The following ATM variants were observed in gnomAD, a reference collection of about 807,000 sequenced individuals.
ATM encodes the protein ATM serine/threonine kinase, also known as serine-protein kinase ATM.
A neutral mutation model predicts 387.0 loss-of-function variants in ATM; 308 were observed. That is an observed-to-expected ratio of 0.80 (90% confidence interval 0.73 to 0.87). ATM has a LOEUF of 0.87. Among genes scored for constraint, ATM ranks in the 40% least tolerant of loss-of-function variants. ATM has a pLI of 0.00. For missense variants in ATM, 3,312 were observed against 3,560.9 expected, an observed-to-expected ratio of 0.93 and a Z score of 1.78; for synonymous variants, 1,156 against 1,187.3, an observed-to-expected ratio of 0.97 and a Z score of 0.54.
intron 7 of ATM, among the ~76,000 whole-genome samples, chr11:108,245,973 T>C (rs679782): frequency 0.66 from 100,645 of 151,642 alleles, 34,425 homozygotes; most frequent in African/African-American, 0.83. Flanking sequence ...TACAGATGCC[T>C]GGCACCATGC....
rs1137887 is a variant in ATM, at chr11:108,256,340, G to A, written c.2250G>A (p.Lys750=). ...AYKSELFQKA[K]SLMQCAGESI... Reference sequence around the variant, plus strand: ...AGTCAGAATTATTCCAGAAAGCCAAGGTAGGAGAATTTATACTAATAAAGT... The same window carrying A: ...AGTCAGAATTATTCCAGAAAGCCAAAGTAGGAGAATTTATACTAATAAAGT... The change falls in exon 14 of 63, where the codon AAG becomes AAA. Residue 750 remains lysine, a splice_region_variant and synonymous_variant. Transcript: ENST00000675843. The A allele has an allele frequency of 4.2e-5, 68 of 1,608,736 alleles. No individual in the cohort carries two copies. The highest frequency in any genetic ancestry group is 3.3e-4 in the Middle Eastern group (2 of 6,052).
rs1060501694 is a variant in ATM, at chr11:108,251,890, C to T, written c.1661C>T (p.Thr554Met). Residue 554 changes from threonine (T) to methionine (M), a missense_variant, in exon 11 of 63, where the codon ACG (threonine) becomes ATG (methionine). Physicochemically the swap from Thr to Met is moderately conservative, Grantham distance 81. Transcript: ENST00000675843. Reference sequence around the variant, plus strand: ...CTGACCACCAGTATAGTTCCAGGAACGGTAAAAATGGGAATAGAGCAAAAT... The same window carrying T: ...CTGACCACCAGTATAGTTCCAGGAATGGTAAAAATGGGAATAGAGCAAAAT... ...LALTTSIVPG[T>M]VKMGIEQNMC... 1.7e-5 allele frequency: 28 copies of T among 1,613,582 alleles called. No homozygotes were observed. The highest frequency in any genetic ancestry group is 2.1e-5 in the Non-Finnish European group (25 of 1,179,810).
At chr11:108,316,397 T>C (rs2084653800) in intron 42 of ATM, among the ~76,000 whole-genome samples, 1 of 152,072 alleles carries the variant, frequency 6.6e-6, no homozygotes, top group Admixed American at 6.5e-5. Context: ...ACAGAAGACA[T>C]TGCTCGAGCA....
In ATM at chr11:108,287,593, C is replaced by G; in HGVS notation, c.3994-7C>G. The G allele has an allele frequency of 6.4e-7, 1 of 1,572,122 alleles. No homozygotes were observed. Among genetic ancestry groups the G allele is most frequent in the Non-Finnish European group, 8.8e-7 (1 of 1,142,802 alleles). ...ATTAAATATATTTTAATTTTGTGCC[C>G]TTGCAGATTGATCACTTATTCATTA... On this transcript the variant is annotated splice_region_variant and splice_polypyrimidine_tract_variant and intron_variant, in intron 26 of 62. Coordinates refer to ENST00000675843, the MANE Select transcript of ATM (RefSeq NM_000051.4).
At chr11:108,263,987 C>A (rs2081066596) in intron 16 of ATM, among the ~76,000 whole-genome samples, 1 of 148,828 alleles carries the variant, frequency 6.7e-6, no homozygotes, top group Admixed American at 6.7e-5. Context: ...TGGCAATAAT[C>A]AATAGCTTAC....
At chr11:108,239,708 A>G (rs1484585428) in intron 5 of ATM, among the ~76,000 whole-genome samples, 1 of 152,148 alleles carries the variant, frequency 6.6e-6, no homozygotes, top group African/African-American at 2.4e-5. Context: ...TTTTTAAGGA[A>G]CCAACATCCT....
intron 37 of ATM, among the ~76,000 whole-genome samples, chr11:108,305,815 T>G (rs2083663148): frequency 6.6e-6 from 1 of 152,144 alleles, no homozygotes; most frequent in Non-Finnish European, 1.5e-5. Context: ...TATGGGTCAG[T>G]TTTTTAAACC....
At chr11:108,316,962 G>A (rs73008229) in intron 42 of ATM, among the ~76,000 whole-genome samples, 16,142 of 151,710 alleles carry the variant, frequency 0.11, 1,204 homozygotes, top group Non-Finnish European at 0.14. Context: ...GAGATAAGGT[G>A]TCACCCTGTT....
At chr11:108,333,393 C>G (rs543316513) in intron 53 of ATM, among the ~76,000 whole-genome samples, 24 of 152,160 alleles carry the variant, frequency 1.6e-4, no homozygotes, top group Non-Finnish European at 2.8e-4. Context: ...TGACTAGTCT[C>G]TAAGTATGCT....
At chr11:108,318,665 G>T (rs1214747709) in intron 43 of ATM, among the ~76,000 whole-genome samples, 1 of 151,952 alleles carries the variant, frequency 6.6e-6, no homozygotes, top group Non-Finnish European at 1.5e-5. Context: ...CCCCAGCCTG[G>T]GCGACAGAGT....
At chr11:108,284,623 T>G in intron 26 of ATM, 150 bp downstream of exon 26, 1 of 1,084,106 alleles carries the variant, frequency 9.2e-7, no homozygotes. Context: ...ACCCATGAAT[T>G]TTTTTGGTTA....
chr11:108,358,376 A>G (rs1229846816), intron 61 of ATM, among the ~76,000 whole-genome samples: 3 of 147,298 alleles, frequency 2.0e-5, no homozygotes, highest in Admixed American at 6.8e-5. Flanking sequence ...ACTCTGCAGG[A>G]TATTATCCAG....
chr11:108,250,184 ACT>A (rs1237285482), intron 9 of ATM, among the ~76,000 whole-genome samples: 1 of 151,016 alleles, frequency 6.6e-6, no homozygotes, highest in Non-Finnish European at 1.5e-5. Flanking sequence ...ACGGAGGCTC[ACT>A]CTGTCACCCA....
chr11:108,279,729 T>A (rs891874899), intron 23 of ATM, 121 bp downstream of exon 23: 1 of 801,330 alleles, frequency 1.2e-6, no homozygotes, highest in Non-Finnish European at 2.2e-6. Flanking sequence ...ATAAAGCTGC[T>A]CTAAAACAAC....
chr11:108,294,406 A>C (rs2083004205), intron 31 of ATM, among the ~76,000 whole-genome samples: 1 of 152,196 alleles, frequency 6.6e-6, no homozygotes, highest in Non-Finnish European at 1.5e-5. Context: ...ATGCTATAAC[A>C]ATCTTGAAGT....
Position 108,267,401 on chromosome 11 carries a change from T to A in ATM, c.2638+59T>A, listed in dbSNP as rs929220337. On this transcript the variant is annotated intron_variant, in intron 17 of 62. Coordinates refer to ENST00000675843, the MANE Select transcript of ATM (RefSeq NM_000051.4). ...ACTTCTTTATATTGATTTGGCAGTA[T>A]AAGAGGCCTCATTGATATCAATTTT... 2.7e-6 allele frequency: 4 copies of A among 1,491,172 alleles called. No homozygotes were observed. In the African/African-American group the frequency reaches 5.5e-5, roughly 21 times the overall value. 92.4% of individuals were successfully genotyped at this position (1,491,172 alleles called of 1,614,324 possible). A position where few individuals can be genotyped will look rare whatever the true frequency, so the allele number is the denominator to read the frequency against.
At chr11:108,339,524 T>G (rs2087253497) in intron 56 of ATM, among the ~76,000 whole-genome samples, 1 of 152,134 alleles carries the variant, frequency 6.6e-6, no homozygotes, top group Non-Finnish European at 1.5e-5. Flanking sequence ...TCAGTCCTTT[T>G]TTGTGGTATT....
chr11:108,351,785 C>T (rs766793302), intron 59 of ATM, among the ~76,000 whole-genome samples: 1 of 152,226 alleles, frequency 6.6e-6, no homozygotes, highest in Non-Finnish European at 1.5e-5. Flanking sequence ...TGGTTCTTCC[C>T]TGTTTCTGGG....
chr11:108,297,206 A>G (rs1299694512), intron 32 of ATM, 81 bp from the exon 33 acceptor site: 4 of 1,192,454 alleles, frequency 3.4e-6, no homozygotes, highest in South Asian at 1.3e-5. Context: ...TTCTAGTCAG[A>G]TAATTTAATA....
Sources: allele counts gnomAD v4.1 joint callset (sites outside exome capture counted in the v4.1 genomes callset), GRCh38; gene constraint gnomAD v4.1.1; transcripts MANE v1.5; gene names NCBI Gene and HGNC (gene_info 2026-07-23, HGNC 2026-07-21).